Variants in METAP1 observed in about 807,000 individuals in gnomAD.
The protein encoded by METAP1 is methionyl aminopeptidase 1.
In METAP1, 28 loss-of-function variants were observed where a neutral mutation model predicts 53.8. The observed-to-expected ratio is 0.52, with a 90% CI of 0.39 to 0.71. The LOEUF is 0.71. Among genes scored for constraint, METAP1 ranks in the 30% least tolerant of loss-of-function variants. METAP1 has a pLI of 0.00. For missense variants in METAP1, 389 were observed against 479.8 expected (o/e 0.81, Z 1.77); for synonymous variants, 181 against 165.7 (o/e 1.09, Z -0.71).
chr4:99,035,208 C>G, intron 3 of METAP1, among the ~76,000 whole-genome samples, 192 bp from the exon 4 acceptor site: 1 of 152,166 alleles, frequency 6.6e-6, no homozygotes, highest in South Asian at 2.1e-4. Flanking sequence ...CACTTTCCCC[C>G]TTTCTAAATA....
chr4:99,004,661 G>T (rs900830332), intron 1 of METAP1, among the ~76,000 whole-genome samples: 1 of 152,064 alleles, frequency 6.6e-6, no homozygotes, highest in African/African-American at 2.4e-5. Flanking sequence ...CATCCAAGAG[G>T]TATTCCATAT....
intron 1 of METAP1, among the ~76,000 whole-genome samples, chr4:99,013,582 T>A (rs1418388864): frequency 6.6e-6 from 1 of 152,214 alleles, no homozygotes; most frequent in Non-Finnish European, 1.5e-5. Context: ...TTTATAACCT[T>A]TACATCCTGA....
At chr4:99,060,360 CTTTTTTTTTTT>C (rs35135230) in intron 10 of METAP1, among the ~76,000 whole-genome samples, 31 of 103,648 alleles carry the variant, frequency 3.0e-4, no homozygotes, top group Non-Finnish European at 4.6e-4. Flanking sequence ...TAAGCACATG[CTTTTTTTTTTT>C]TTTTTTTTTT....
At chr4:99,016,402 C>CT (rs1181406924) in intron 1 of METAP1, among the ~76,000 whole-genome samples, 3 of 152,168 alleles carry the variant, frequency 2.0e-5, no homozygotes, top group Non-Finnish European at 4.4e-5. Context: ...TCTTTCTACT[C>CT]TCCTGGAGGA....
chr4:99,061,300 T>C lies in METAP1; in HGVS notation c.1144T>C (p.Phe382Leu). The C allele has an allele frequency of 1.2e-6, 2 of 1,613,106 alleles. No individual in the cohort carries two copies. The highest frequency in any genetic ancestry group is 1.7e-6 in the Non-Finnish European group (2 of 1,179,500). ...GCGACTTGACAGTGCACGGCCTCAC[T>C]TCATGTCTCAATTTTAATTTCTCCC... ...TRRLDSARPH[F>L]MSQF Residue 382 changes from phenylalanine to leucine, a missense_variant, in exon 11 of 11, where the codon TTC becomes CTC. Phe to Leu is a conservative substitution (Grantham distance 22). Transcript: ENST00000296411.
chr4:99,023,143 C>G, intron 1 of METAP1: 2 of 765,508 alleles, frequency 2.6e-6, no homozygotes, highest in South Asian at 3.6e-5. Context: ...TTGACTGACA[C>G]GAGCAGCACG....
rs531635802 is a variant in METAP1, at chr4:99,011,169, C to G, written c.114+15302C>G. 2.3e-3 allele frequency among the ~76,000 whole-genome samples: 353 copies of G among 152,044 alleles called. 5 individuals carry two copies. Among genetic ancestry groups the G allele is most frequent in the Non-Finnish European group, 1.6e-3 (111 of 67,998 alleles). ...TTTATTTCTTTTTCTTGCCTAATTGCTCTGGCTAGGACTTCCAATACAATG... is the reference window on the plus strand; with the variant it reads ...TTTATTTCTTTTTCTTGCCTAATTGGTCTGGCTAGGACTTCCAATACAATG... On this transcript the variant is annotated intron_variant, in intron 1 of 10. Transcript: ENST00000296411.
chr4:99,031,799 C>T, intron 2 of METAP1: 1 of 387,164 alleles, frequency 2.6e-6, no homozygotes, highest in South Asian at 2.0e-5. Flanking sequence ...CTGCATACAA[C>T]TTTTTAAAGA....
intron 1 of METAP1, among the ~76,000 whole-genome samples, chr4:99,013,222 T>G (rs1197650854): frequency 1.3e-5 from 2 of 152,246 alleles, no homozygotes; most frequent in Non-Finnish European, 1.5e-5. Context: ...CATGTAAGAT[T>G]AATTTCATTA....
At chr4:99,005,729 C>G (rs1056326887) in intron 1 of METAP1, 3 of 403,266 alleles carry the variant, frequency 7.4e-6, no homozygotes, top group Non-Finnish European at 1.5e-5. Flanking sequence ...TGAAATACTC[C>G]CCAGCCATTA....
intron 9 of METAP1, among the ~76,000 whole-genome samples, chr4:99,051,629 A>C (rs1034339461): frequency 5.9e-5 from 9 of 152,180 alleles, no homozygotes; most frequent in South Asian, 2.1e-4. Context: ...GGGCTCAAGC[A>C]GTCTGCTCAC....
At chr4:99,031,726 C>T (rs1249672245) in intron 2 of METAP1, 8 of 649,528 alleles carry the variant, frequency 1.2e-5, no homozygotes, top group Non-Finnish European at 2.0e-5. Context: ...ATCAGAAAAT[C>T]CTGTCCCATG....
At chr4:99,023,564 G>A in intron 1 of METAP1, 1 of 985,124 alleles carries the variant, frequency 1.0e-6, no homozygotes, top group South Asian at 4.7e-5. Context: ...AAGAGAGAGA[G>A]GTAATACAGG....
chr4:99,057,897 T>C, intron 10 of METAP1, 79 bp downstream of exon 10: 1 of 1,260,708 alleles, frequency 7.9e-7, no homozygotes, highest in Non-Finnish European at 1.1e-6. Flanking sequence ...AGTGGTCTTT[T>C]CTACCTGCTT....
At chr4:99,023,851 C>A in intron 1 of METAP1, 1 of 876,310 alleles carries the variant, frequency 1.1e-6, no homozygotes, top group Non-Finnish European at 1.4e-6. Flanking sequence ...ATTATCAAGA[C>A]AAGGGAATTG....
intron 3 of METAP1, among the ~76,000 whole-genome samples, chr4:99,034,728 G>A (rs10018631): frequency 0.014 from 2,078 of 152,186 alleles, 39 homozygotes; most frequent in African/African-American, 0.047. Context: ...TCAACCTTCC[G>A]TATCACAGAT....
chr4:99,044,864 AACTC>A (rs1258709354), intron 7 of METAP1, among the ~76,000 whole-genome samples: 3 of 152,236 alleles, frequency 2.0e-5, no homozygotes, highest in Non-Finnish European at 4.4e-5. Context: ...TAATGTTACT[AACTC>A]TGGTAATTTA....
At chr4:98,996,200 C>T (rs1246451790) in intron 1 of METAP1, among the ~76,000 whole-genome samples, 1 of 152,134 alleles carries the variant, frequency 6.6e-6, no homozygotes, top group Non-Finnish European at 1.5e-5. Context: ...CGGGGGCCGC[C>T]AGGTGTGCGG....
intron 3 of METAP1, among the ~76,000 whole-genome samples, chr4:99,034,721 A>G (rs1187541714): frequency 2.6e-5 from 4 of 152,196 alleles, no homozygotes; most frequent in African/African-American, 9.6e-5. Context: ...CTTAAAGTCA[A>G]CCTTCCGTAT....
Sources: gnomAD v4.1 joint callset for allele counts (sites outside exome capture counted in the v4.1 genomes callset) on GRCh38, gnomAD v4.1.1 for gene constraint, MANE v1.5 for transcripts, NCBI Gene and HGNC (gene_info 2026-07-23, HGNC 2026-07-21) for gene names.